Variants in KCNH8 observed in about 807,000 individuals in gnomAD.
The protein encoded by KCNH8 is potassium voltage-gated channel subfamily H member 8.
In KCNH8, 70 loss-of-function variants were observed where a neutral mutation model predicts 103.6. The ratio of observed to expected loss-of-function variants is 0.68; its 90% CI spans 0.56 to 0.82. The LOEUF (loss-of-function observed/expected upper bound fraction) is 0.82, where lower values mean the gene tolerates loss of function less well. Ranked by LOEUF, KCNH8 falls within the 40% of genes least tolerant of loss-of-function variation. The pLI, the probability that KCNH8 is intolerant of heterozygous loss-of-function variation, is 0.00. For synonymous variants in KCNH8, 498 were observed against 489.4 expected, an observed-to-expected ratio of 1.02 and a Z score of -0.23; for missense variants, 1,217 against 1,329.9, an observed-to-expected ratio of 0.92 and a Z score of 1.32.
intron 8 of KCNH8, among the ~76,000 whole-genome samples, chr3:19,440,762 T>C (rs989924999): frequency 2.0e-5 from 3 of 152,194 alleles, no homozygotes; most frequent in Non-Finnish European, 4.4e-5. Flanking sequence ...TAATAAATAG[T>C]GAACATTTAT....
Position 19,477,411 on chromosome 3 carries a change from T to A in KCNH8, c.2040+20429T>A, listed in dbSNP as rs186946569. On this transcript the variant is annotated intron_variant, in intron 11 of 15. Transcript: ENST00000328405. The stretch of plus-strand genomic sequence containing the variant: ...GAGAACTTAACAATGAATGTGAGGA[T>A]TTTTTTGGTTTTCTTTTTTTTTTTT... Among the ~76,000 whole-genome samples, 60 of 149,480 alleles carry A rather than the reference T, an allele frequency of 4.0e-4. No homozygotes were observed. The East Asian group carries it at 0.01, about 26-fold the overall frequency.
At chr3:19,168,109 C>T (rs2063303402) in intron 1 of KCNH8, among the ~76,000 whole-genome samples, 1 of 151,584 alleles carries the variant, frequency 6.6e-6, no homozygotes, top group African/African-American at 2.4e-5. Context: ...CTCCTTGGTT[C>T]AAGCGATTCT....
chr3:19,263,333 C>T (rs1216105067), intron 2 of KCNH8, among the ~76,000 whole-genome samples: 3 of 152,012 alleles, frequency 2.0e-5, no homozygotes, highest in Admixed American at 2.0e-4. Context: ...TGACAAACTA[C>T]TTTAGGAACT....
At chr3:19,339,967 A>C (rs2065636070) in intron 3 of KCNH8, among the ~76,000 whole-genome samples, 1 of 152,008 alleles carries the variant, frequency 6.6e-6, no homozygotes, top group East Asian at 1.9e-4. Context: ...TGGAAAGAAG[A>C]GGGACTCAAG....
At chr3:19,444,934 T>C (rs936176013) in intron 8 of KCNH8, among the ~76,000 whole-genome samples, 9 of 152,020 alleles carry the variant, frequency 5.9e-5, no homozygotes, top group Admixed American at 3.3e-4. Context: ...ACATCTACCA[T>C]ATCTGAATAT....
At chr3:19,391,932 T>A (rs1320419588) in intron 6 of KCNH8, among the ~76,000 whole-genome samples, 1 of 151,944 alleles carries the variant, frequency 6.6e-6, no homozygotes, top group Non-Finnish European at 1.5e-5. Flanking sequence ...GTTAAAAAAA[T>A]TTCCAAATTC....
rs1246502168 is a variant in KCNH8, at chr3:19,533,882, C to A, written c.3107C>A (p.Ser1036Tyr). The A allele has an allele frequency of 1.2e-6, 2 of 1,614,176 alleles. No individual in the cohort carries two copies. The highest frequency in any genetic ancestry group is 2.2e-5 in the South Asian group (2 of 91,088). Reference sequence around the variant, plus strand: ...GCAACTCTCTCATCTTCTGTCTGCTCCTCTTCGGAAACATCTTTGCACCTA... The same window carrying A: ...GCAACTCTCTCATCTTCTGTCTGCTACTCTTCGGAAACATCTTTGCACCTA... ...ISATLSSSVC[S>Y]SSETSLHLVL... The change falls in exon 16 of 16, where the codon TCC becomes TAC. Residue 1036 changes from serine to tyrosine, a missense_variant. Physicochemically the swap from Ser to Tyr is moderately radical, Grantham distance 144 (BLOSUM62 -2). Coordinates refer to ENST00000328405, the MANE Select transcript of KCNH8 (RefSeq NM_144633.3).
chr3:19,517,913 C>G, intron 14 of KCNH8, 85 bp from the exon 15 acceptor site: 13 of 1,093,940 alleles, frequency 1.2e-5, no homozygotes, highest in Non-Finnish European at 1.7e-5. Context: ...ATAGCGTGGA[C>G]TTTCTTTCAT....
rs1454233746 is a variant in KCNH8 at position 19,278,393 on chromosome 3, AGGAAGGAGGGAG to A, written c.311-2780_311-2769del. Among the ~76,000 whole-genome samples, 131 of 145,878 alleles carry A rather than the reference AGGAAGGAGGGAG, an allele frequency of 9.0e-4. 3 individuals are homozygous for A. Among genetic ancestry groups the A allele is most frequent in the Middle Eastern group, 3.5e-3 (1 of 288 alleles). On this transcript the variant is annotated intron_variant, in intron 2 of 15. Coordinates refer to ENST00000328405, the MANE Select transcript of KCNH8 (RefSeq NM_144633.3). ...CTGGAGGGACAGTTGAAAGGAAAAAAGGAAGGAGGGAGGGAAGGAGGGAGGGAAGGAGGGAGA... is the reference window on the plus strand; with the variant it reads ...CTGGAGGGACAGTTGAAAGGAAAAAAGGAAGGAGGGAGGGAAGGAGGGAGA...
intron 11 of KCNH8, among the ~76,000 whole-genome samples, chr3:19,490,641 TTTTC>T (rs1379079346): frequency 6.6e-6 from 1 of 151,976 alleles, no homozygotes; most frequent in Non-Finnish European, 1.5e-5. Flanking sequence ...AGTTTTTACT[TTTTC>T]TTTCTTTGGA....
At chr3:19,355,885 AAT>A (rs35120708) in intron 5 of KCNH8, among the ~76,000 whole-genome samples, 10 of 150,276 alleles carry the variant, frequency 6.7e-5, no homozygotes, top group East Asian at 3.9e-4. Context: ...AGTATAATAA[AAT>A]ATATATATAT....
intron 1 of KCNH8, among the ~76,000 whole-genome samples, chr3:19,159,709 C>T (rs1259997518): frequency 1.3e-5 from 2 of 152,030 alleles, no homozygotes; most frequent in African/African-American, 4.8e-5. Context: ...TTTTCAGACA[C>T]AAAAACATTT....
chr3:19,227,723 A>G, intron 1 of KCNH8, among the ~76,000 whole-genome samples: 1 of 152,212 alleles, frequency 6.6e-6, no homozygotes, highest in East Asian at 1.9e-4. Flanking sequence ...TCTGTTATGC[A>G]CCATGTGGTC....
chr3:19,313,758 C>T (rs1186963924), intron 3 of KCNH8, among the ~76,000 whole-genome samples: 1 of 151,114 alleles, frequency 6.6e-6, no homozygotes, highest in Non-Finnish European at 1.5e-5. Flanking sequence ...TAAGAAGTGT[C>T]ATGCATAAGA....
intron 7 of KCNH8, among the ~76,000 whole-genome samples, chr3:19,427,951 A>C (rs957012136): frequency 6.6e-6 from 1 of 152,212 alleles, no homozygotes; most frequent in Non-Finnish European, 1.5e-5. Context: ...GAAAGAGATG[A>C]AGTCAGTCAG....
At chr3:19,459,507 T>A (rs959145829) in intron 11 of KCNH8, among the ~76,000 whole-genome samples, 1 of 152,122 alleles carries the variant, frequency 6.6e-6, no homozygotes, top group Non-Finnish European at 1.5e-5. Flanking sequence ...ATTAACTCCT[T>A]ATCAGATGTA....
At chr3:19,262,084 A>G (rs1420556961) in intron 2 of KCNH8, among the ~76,000 whole-genome samples, 1 of 151,388 alleles carries the variant, frequency 6.6e-6, no homozygotes, top group Non-Finnish European at 1.5e-5. Context: ...AATCATTTTG[A>G]CTATTTTGGG....
At chr3:19,357,294 G>A (rs1048617654) in intron 5 of KCNH8, among the ~76,000 whole-genome samples, 1 of 151,750 alleles carries the variant, frequency 6.6e-6, no homozygotes, top group Non-Finnish European at 1.5e-5. Context: ...AGAAGGAGAT[G>A]GTGTTTGAAA....
intron 11 of KCNH8, among the ~76,000 whole-genome samples, chr3:19,486,608 T>A (rs1384668212): frequency 6.6e-6 from 1 of 151,924 alleles, no homozygotes; most frequent in Admixed American, 6.6e-5. Context: ...ACACATAGAG[T>A]GTAAAGGGCT....
Sources: gnomAD v4.1 joint callset for allele counts (sites outside exome capture counted in the v4.1 genomes callset) on GRCh38, gnomAD v4.1.1 for gene constraint, MANE v1.5 for transcripts, NCBI Gene and HGNC (gene_info 2026-07-23, HGNC 2026-07-21) for gene names.